Variants in NBEA observed in about 807,000 individuals in gnomAD.
NBEA encodes neurobeachin.
NBEA carries 44 observed loss-of-function variants against 343.4 expected under a neutral mutation model. The observed-to-expected ratio is 0.13, with a 90% CI of 0.10 to 0.16. The LOEUF (loss-of-function observed/expected upper bound fraction) is 0.16. NBEA is among the 10% of genes least tolerant of loss of function. The pLI is 1.00. For missense variants in NBEA, 2,555 were observed against 3,631.3 expected, an observed-to-expected ratio of 0.70 and a Z score of 7.62; for synonymous variants, 1,175 against 1,238.7, an observed-to-expected ratio of 0.95 and a Z score of 1.08.
chr13:35,074,162 A>G (rs1405675268), intron 10 of NBEA, among the ~76,000 whole-genome samples: 1 of 152,190 alleles, frequency 6.6e-6, no homozygotes, highest in East Asian at 1.9e-4. Flanking sequence ...TTTTGAGCAT[A>G]ACTCAAACTC....
Position 35,665,201 on chromosome 13 carries a change from C to A in NBEA, c.8464+15C>A, listed in dbSNP as rs376037940. ...TGGTGCTAAAGGTCAGAAGTCATTT[C>A]TTTCATTTTCAATGTCTAGAAGATG... On this transcript the variant is annotated intron_variant, in intron 56 of 58. Coordinates refer to ENST00000379939, the MANE Select transcript of NBEA (RefSeq NM_001385012.1). 34 of 1,554,492 alleles carry A rather than the reference C, an allele frequency of 2.2e-5. No homozygotes were observed. In the African/African-American group the frequency reaches 4.2e-4, roughly 19 times the overall value.
chr13:35,445,786 A>ATATATATATATATATATATATG (rs2152940461), intron 39 of NBEA, among the ~76,000 whole-genome samples: 1 of 40,530 alleles, frequency 2.5e-5, no homozygotes, highest in Non-Finnish European at 5.5e-5. Flanking sequence ...AAATGTTTAT[A>ATATATATATATATATATATATG]TATATATATA....
At chr13:35,645,583 G>A (rs2153076237) in intron 49 of NBEA, among the ~76,000 whole-genome samples, 1 of 152,232 alleles carries the variant, frequency 6.6e-6, no homozygotes, top group African/African-American at 2.4e-5. Context: ...TAGGATACAG[G>A]AAGATTTATT....
At chr13:35,035,814 A>T (rs2062418999) in intron 1 of NBEA, among the ~76,000 whole-genome samples, 1 of 151,800 alleles carries the variant, frequency 6.6e-6, no homozygotes, top group African/African-American at 2.4e-5. Context: ...CTTTTGTCTG[A>T]TACAAGTATA....
At chr13:35,244,791 C>T (rs952935627) in intron 34 of NBEA, among the ~76,000 whole-genome samples, 2 of 151,932 alleles carry the variant, frequency 1.3e-5, no homozygotes, top group African/African-American at 4.8e-5. Context: ...TTATGATTTC[C>T]TTCAGCAGTG....
At position 35,436,082 on chromosome 13, in the gene NBEA, C is replaced by CA. The variant is rs1177577249; in HGVS notation, c.6304+3697dup. 2.0e-5 allele frequency among the ~76,000 whole-genome samples: 3 copies of CA among 150,244 alleles called. No homozygotes were observed. In the East Asian group the frequency reaches 5.9e-4, roughly 29 times the overall value. ...GTTTCAAAAAAAAAAAGAATGGACT[C>CA]AAAAAAAAGAAAACAGATTTCATAT... is the stretch of plus-strand genomic sequence containing the variant. On this transcript the variant is annotated intron_variant, in intron 39 of 58. Coordinates refer to ENST00000379939, the MANE Select transcript of NBEA (RefSeq NM_001385012.1).
chr13:35,029,770 A>G (rs1322334723), intron 1 of NBEA, among the ~76,000 whole-genome samples: 2 of 151,624 alleles, frequency 1.3e-5, no homozygotes, highest in South Asian at 2.1e-4. Context: ...AGAAGACAAC[A>G]TGTTTCCAAG....
rs1280223072 is a variant in NBEA, at chr13:35,672,289, G to C, written c.*1298G>C. ...ATGTTACAGGAATGTAATTTTCTCA[G>C]AATTTACACTCACTCGCAGTCATTT... On this transcript the variant is annotated 3_prime_UTR_variant, in exon 59 of 59. Transcript: ENST00000379939. 1 of 152,604 alleles carries C rather than the reference G, an allele frequency of 6.6e-6. No homozygotes were observed. The highest frequency in any genetic ancestry group is 2.4e-5 in the African/African-American group (1 of 41,436). 9.5% of individuals were successfully genotyped at this position (152,604 alleles called of 1,614,324 possible).
At chr13:35,114,234 AT>A (rs1337313705) in intron 13 of NBEA, among the ~76,000 whole-genome samples, 1 of 152,142 alleles carries the variant, frequency 6.6e-6, no homozygotes, top group Non-Finnish European at 1.5e-5. Flanking sequence ...ATTTATCTGT[AT>A]TAAAACCATG....
rs1300108058 is a variant in NBEA, at chr13:35,420,741, T to C, written c.6180-11528T>C. Among the ~76,000 whole-genome samples the C allele has an allele frequency of 2.6e-5, 4 of 151,960 alleles. No individual in the cohort carries two copies. In the East Asian group the frequency reaches 7.7e-4, roughly 29 times the overall value. On this transcript the variant is annotated intron_variant, in intron 38 of 58. Coordinates refer to ENST00000379939, the MANE Select transcript of NBEA (RefSeq NM_001385012.1). ...ACATTGGGTGAGTTGTGGTCATTCA[T>C]GTTTTTTGGTCCATTTCTTCTAAGC...
chr13:35,145,715 T>G (rs1299734051), intron 18 of NBEA, among the ~76,000 whole-genome samples: 2 of 152,224 alleles, frequency 1.3e-5, no homozygotes, highest in Non-Finnish European at 1.5e-5. Flanking sequence ...AAAGCATCTT[T>G]AAGATCTAAT....
rs185452496 is a variant in NBEA at position 35,566,230 on chromosome 13, G to A, written c.6923-675G>A. Reference sequence around the variant, plus strand: ...ACAAAAATTAGCCAGGTGCGGTGGCGCGTGCCTGTAATCCCAGCTACTCAG... The same window carrying A: ...ACAAAAATTAGCCAGGTGCGGTGGCACGTGCCTGTAATCCCAGCTACTCAG... On this transcript the variant is annotated intron_variant, in intron 44 of 58. Transcript: ENST00000379939. Among the ~76,000 whole-genome samples, 1,287 of 152,000 alleles carry A rather than the reference G, an allele frequency of 8.5e-3. 7 individuals are homozygous for A. The highest frequency in any genetic ancestry group is 0.012 in the African/African-American group (495 of 41,468).
In NBEA at chr13:35,348,432, T is replaced by A. The variant is rs2040002539; in HGVS notation, c.5904-676T>A. On this transcript the variant is annotated intron_variant, in intron 36 of 58. Transcript: ENST00000379939. ...AAAATTTGGTGACTAGGGGACATAGTGAGAGGCTTTTCACTGTAAAATGTT... is the reference window on the plus strand; with the variant it reads ...AAAATTTGGTGACTAGGGGACATAGAGAGAGGCTTTTCACTGTAAAATGTT... Among the ~76,000 whole-genome samples the A allele has an allele frequency of 1.3e-5, 2 of 152,208 alleles. 1 individual carries two copies. Among genetic ancestry groups the A allele is most frequent in the South Asian group, 4.1e-4 (2 of 4,826 alleles).
Position 35,173,520 on chromosome 13 carries a change from G to A in NBEA, c.4480G>A (p.Gly1494Arg), listed in dbSNP as rs761721968. ...LECRQRQRDR[G>R]NKSSHGSSKP... Reference sequence around the variant, plus strand: ...ATGTCGGCAAAGACAGAGAGACAGGGGAAATAAATCTTCCCATGGAAGCAG... The same window carrying A: ...ATGTCGGCAAAGACAGAGAGACAGGAGAAATAAATCTTCCCATGGAAGCAG... The change falls in exon 27 of 59, where the codon GGA becomes AGA. Residue 1494 changes from glycine to arginine, a missense_variant. By Grantham distance (125) the Gly-to-Arg change is moderately radical. Transcript: ENST00000379939. 1 of 1,610,942 alleles carries A rather than the reference G, an allele frequency of 6.2e-7. No individual in the cohort carries two copies. Among genetic ancestry groups the A allele is most frequent in the Non-Finnish European group, 8.5e-7 (1 of 1,178,064 alleles).
intron 48 of NBEA, among the ~76,000 whole-genome samples, chr13:35,626,108 C>G (rs921023281): frequency 5.3e-5 from 8 of 152,040 alleles, no homozygotes; most frequent in Non-Finnish European, 1.2e-4. Context: ...CACAGTGACA[C>G]AGGTAGATTT....
intron 38 of NBEA, among the ~76,000 whole-genome samples, chr13:35,380,480 G>C (rs940151309): frequency 6.6e-6 from 1 of 151,928 alleles, no homozygotes; most frequent in African/African-American, 2.4e-5. Flanking sequence ...ATAATTTGTA[G>C]TTTTCAGTGT....
intron 40 of NBEA, among the ~76,000 whole-genome samples, chr13:35,460,487 A>G (rs948462028): frequency 6.6e-6 from 1 of 152,232 alleles, no homozygotes; most frequent in Non-Finnish European, 1.5e-5. Context: ...TTTTTATATC[A>G]GTTAAGGTGT....
At chr13:35,067,009 T>C in intron 8 of NBEA, among the ~76,000 whole-genome samples, 1 of 152,236 alleles carries the variant, frequency 6.6e-6, no homozygotes, top group South Asian at 2.1e-4. Context: ...CAGATTTATA[T>C]TAATTTTATC....
chr13:35,329,877 C>G (rs1408390463), intron 36 of NBEA, among the ~76,000 whole-genome samples: 1 of 151,964 alleles, frequency 6.6e-6, no homozygotes, highest in Non-Finnish European at 1.5e-5. Flanking sequence ...TAACACTACC[C>G]AGAAGGCCTT....
Sources: allele counts gnomAD v4.1 joint callset (sites outside exome capture counted in the v4.1 genomes callset), GRCh38; gene constraint gnomAD v4.1.1; transcripts MANE v1.5; gene names NCBI Gene and HGNC (gene_info 2026-07-23, HGNC 2026-07-21).